UBE2E2: variants seen among roughly 807,000 people sequenced by gnomAD.
UBE2E2 encodes the protein ubiquitin conjugating enzyme E2 E2.
Under a neutral mutation model 24.7 loss-of-function variants are expected in UBE2E2, and 6 were observed. The ratio of observed to expected loss-of-function variants is 0.24; its 90% CI spans 0.13 to 0.48. The LOEUF (loss-of-function observed/expected upper bound fraction) is 0.48, where lower values mean the gene tolerates loss of function less well. Among genes scored for constraint, UBE2E2 ranks in the 20% least tolerant of loss-of-function variants. UBE2E2 has a pLI of 0.99. For missense variants in UBE2E2, 169 were observed against 245.0 expected, an observed-to-expected ratio of 0.69 and a Z score of 2.07; for synonymous variants, 104 against 83.6, an observed-to-expected ratio of 1.24 and a Z score of -1.33.
chr3:23,265,523 AC>A (rs1309030847), intron 3 of UBE2E2, among the ~76,000 whole-genome samples: 1 of 150,886 alleles, frequency 6.6e-6, no homozygotes, highest in African/African-American at 2.5e-5. Context: ...CTAAAGAACA[AC>A]AGAGAAACCA....
chr3:23,349,297 G>A lies in UBE2E2; in HGVS notation c.227+131985G>A, dbSNP rs528028579. 8.5e-4 allele frequency among the ~76,000 whole-genome samples: 129 copies of A among 152,326 alleles called. 2 individuals carry two copies. The highest frequency in any genetic ancestry group is 2.6e-3 in the African/African-American group (109 of 41,582). On this transcript the variant is annotated intron_variant, in intron 3 of 5. Transcript: ENST00000396703. ...ACAGCTCCAGTCTACAGCTCCCAGC[G>A]TGAGTGACGCAGAAGACGGGTGATT...
chr3:23,502,682 C>T (rs930810397), intron 4 of UBE2E2, among the ~76,000 whole-genome samples: 2 of 152,058 alleles, frequency 1.3e-5, no homozygotes, highest in African/African-American at 4.8e-5. Flanking sequence ...TCTAATAAGG[C>T]GAGCAAAACA....
chr3:23,292,103 T>G (rs6769959), intron 3 of UBE2E2, among the ~76,000 whole-genome samples: 1 of 151,742 alleles, frequency 6.6e-6, no homozygotes, highest in East Asian at 1.9e-4. Flanking sequence ...CGTGATTCGC[T>G]CACCTTGGCC....
At chr3:23,283,542 C>A (rs900820026) in intron 3 of UBE2E2, among the ~76,000 whole-genome samples, 2 of 152,038 alleles carry the variant, frequency 1.3e-5, no homozygotes, top group Admixed American at 1.3e-4. Flanking sequence ...GCCTGAGCAA[C>A]GTAGTGAGGC....
At chr3:23,547,692 T>C (rs1367492110) in intron 5 of UBE2E2, among the ~76,000 whole-genome samples, 1 of 152,226 alleles carries the variant, frequency 6.6e-6, no homozygotes, top group Non-Finnish European at 1.5e-5. Context: ...AGGATGTTGA[T>C]TGCTCACCCT....
chr3:23,451,657 G>T (rs775143926), intron 3 of UBE2E2, among the ~76,000 whole-genome samples: 1 of 152,158 alleles, frequency 6.6e-6, no homozygotes, highest in Non-Finnish European at 1.5e-5. Flanking sequence ...TGGTAATAAA[G>T]TACTTTTACA....
At chr3:23,411,833 T>C (rs1697502061) in intron 3 of UBE2E2, among the ~76,000 whole-genome samples, 1 of 152,202 alleles carries the variant, frequency 6.6e-6, no homozygotes, top group Non-Finnish European at 1.5e-5. Context: ...TTGTTAGCTA[T>C]TGTTATAATT....
intron 3 of UBE2E2, among the ~76,000 whole-genome samples, chr3:23,349,598 G>A (rs1437177582): frequency 6.6e-6 from 1 of 152,242 alleles, no homozygotes; most frequent in Admixed American, 6.5e-5. Flanking sequence ...GCAAGGCTCG[G>A]AGGGTCCTAC....
At chr3:23,279,072 G>T (rs1044721936) in intron 3 of UBE2E2, among the ~76,000 whole-genome samples, 1 of 152,044 alleles carries the variant, frequency 6.6e-6, no homozygotes, top group African/African-American at 2.4e-5. Context: ...AAAAAGTTGG[G>T]TAGAATAATC....
At chr3:23,338,543 G>A (rs1342017914) in intron 3 of UBE2E2, among the ~76,000 whole-genome samples, 1 of 152,144 alleles carries the variant, frequency 6.6e-6, no homozygotes, top group Non-Finnish European at 1.5e-5. Flanking sequence ...CAGATCTTGG[G>A]TTTAAGTGCC....
At chr3:23,274,899 A>G (rs1409647951) in intron 3 of UBE2E2, among the ~76,000 whole-genome samples, 10 of 152,168 alleles carry the variant, frequency 6.6e-5, no homozygotes, top group Admixed American at 6.5e-4. Flanking sequence ...GCCCTTATTT[A>G]TTCACTCATA....
At chr3:23,369,199 A>G (rs1696336185) in intron 3 of UBE2E2, among the ~76,000 whole-genome samples, 1 of 152,190 alleles carries the variant, frequency 6.6e-6, no homozygotes, top group Non-Finnish European at 1.5e-5. Flanking sequence ...TCAATATCAA[A>G]TAGTATATAA....
At chr3:23,242,949 G>A (rs544875682) in intron 3 of UBE2E2, among the ~76,000 whole-genome samples, 2 of 152,084 alleles carry the variant, frequency 1.3e-5, no homozygotes, top group South Asian at 4.2e-4. Context: ...AGGTGGGTGT[G>A]TTGGCTTATG....
chr3:23,584,702 T>G (rs2125520985), intron 5 of UBE2E2, among the ~76,000 whole-genome samples: 1 of 150,442 alleles, frequency 6.6e-6, no homozygotes, highest in African/African-American at 2.4e-5. Flanking sequence ...CACAGGTACA[T>G]GCCACCACAC....
At chr3:23,203,959 A>G (rs1423104515) in intron 1 of UBE2E2, among the ~76,000 whole-genome samples, 2 of 151,700 alleles carry the variant, frequency 1.3e-5, no homozygotes, top group African/African-American at 4.8e-5. Context: ...GCCCGCCCGG[A>G]GAAGACCTTG....
intron 3 of UBE2E2, among the ~76,000 whole-genome samples, chr3:23,402,381 AATTTACTAAAAAACC>A (rs1697248343): frequency 6.6e-6 from 1 of 152,186 alleles, no homozygotes; most frequent in African/African-American, 2.4e-5. Flanking sequence ...GTATATCAAC[AATTTACTAAAAAACC>A]ATTTTGGCCA....
At chr3:23,448,313 T>A (rs114587031) in intron 3 of UBE2E2, among the ~76,000 whole-genome samples, 1 of 152,242 alleles carries the variant, frequency 6.6e-6, no homozygotes, top group Admixed American at 6.5e-5. Flanking sequence ...ATGTAAATCT[T>A]TATTCTTACA....
chr3:23,327,728 A>G (rs921341871), intron 3 of UBE2E2, among the ~76,000 whole-genome samples: 2 of 152,190 alleles, frequency 1.3e-5, no homozygotes, highest in Non-Finnish European at 2.9e-5. Context: ...ACAAAATTTT[A>G]TAGACTGGTG....
At chr3:23,585,723 T>A (rs2125521787) in intron 5 of UBE2E2, among the ~76,000 whole-genome samples, 1 of 152,284 alleles carries the variant, frequency 6.6e-6, no homozygotes, top group South Asian at 2.1e-4. Context: ...AACTGACAGA[T>A]GATAATCTCA....
Sources: allele counts gnomAD v4.1 joint callset (sites outside exome capture counted in the v4.1 genomes callset), GRCh38; gene constraint gnomAD v4.1.1; transcripts MANE v1.5; gene names NCBI Gene and HGNC (gene_info 2026-07-23, HGNC 2026-07-21).